The following HS6ST2 variants were observed in gnomAD, a reference collection of about 807,000 sequenced individuals.
The protein encoded by HS6ST2 is heparan sulfate 6-O-sulfotransferase 2.
In HS6ST2, 17 loss-of-function variants were observed where a neutral mutation model predicts 33.0. That is an observed-to-expected ratio of 0.52 (90% CI 0.35 to 0.77). The LOEUF (loss-of-function observed/expected upper bound fraction) is 0.77. Ranked by LOEUF, HS6ST2 falls within the 30% of genes least tolerant of loss-of-function variation. The pLI, the probability that HS6ST2 is intolerant of heterozygous loss-of-function variation, is 0.01. For missense variants in HS6ST2, 519 were observed against 551.7 expected, an observed-to-expected ratio of 0.94 and a Z score of 0.59; for synonymous variants, 248 against 237.1, an observed-to-expected ratio of 1.05 and a Z score of -0.42.
chrX:132,884,792 T>TG (rs1196821877), intron 2 of HS6ST2, among the ~76,000 whole-genome samples: 3 of 110,751 alleles, frequency 2.7e-5, no homozygotes, highest in African/African-American at 9.8e-5. Flanking sequence ...GAGGAGAAGA[T>TG]GAAATGACTG....
At chrX:132,770,900 AAAG>A (rs2064892101) in intron 2 of HS6ST2, among the ~76,000 whole-genome samples, 1 of 112,168 alleles carries the variant, frequency 8.9e-6, no homozygotes, top group Non-Finnish European at 1.9e-5. Context: ...AGCAGAATAA[AAAG>A]AAAATATCTT....
chrX:132,660,214 G>A (rs1287346796), intron 4 of HS6ST2, among the ~76,000 whole-genome samples: 1 of 111,725 alleles, frequency 9.0e-6, no homozygotes, highest in East Asian at 2.8e-4. Flanking sequence ...GCCTAGAGTA[G>A]CATCTTGTAC....
intron 4 of HS6ST2, among the ~76,000 whole-genome samples, chrX:132,636,896 T>TA (rs774780909): frequency 1.9e-4 from 21 of 111,951 alleles, no homozygotes; most frequent in African/African-American, 6.5e-4. Flanking sequence ...ACTTATACGT[T>TA]AACTCCCAAC....
chrX:132,959,395 G>A (rs1331363089), upstream of HS6ST2, among the ~76,000 whole-genome samples: 4 of 112,154 alleles, frequency 3.6e-5, no homozygotes, highest in Non-Finnish European at 7.5e-5. Context: ...CTGTACATCA[G>A]GACACTGGTG....
At chrX:132,945,413 T>C (rs966642845) in intron 2 of HS6ST2, among the ~76,000 whole-genome samples, 2 of 111,868 alleles carry the variant, frequency 1.8e-5, no homozygotes, top group Non-Finnish European at 3.8e-5. Flanking sequence ...GCTGGGACTG[T>C]AAACTGGTTC....
rs142124811 is a variant in HS6ST2 at position 132,793,955 on chromosome X, C to T, written c.948-85461G>A. Among the ~76,000 whole-genome samples, 32 of 112,699 alleles carry T rather than the reference C, an allele frequency of 2.8e-4. No individual in the cohort carries two copies. The East Asian group carries it at 6.7e-3, about 24-fold the overall frequency. ...CTAGTAAAATAGATATTCCGTGCCA[C>T]GTTTCACCACTCTGCCATTTGTAAA... On this transcript the variant is annotated intron_variant, in intron 2 of 4. Coordinates refer to ENST00000370833, the MANE Select transcript of HS6ST2 (RefSeq NM_001394073.1).
intron 2 of HS6ST2, among the ~76,000 whole-genome samples, chrX:132,943,054 C>T (rs1162013868): frequency 5.4e-5 from 6 of 111,944 alleles, no homozygotes; most frequent in Non-Finnish European, 9.4e-5. Context: ...TTTGAAATAA[C>T]TTCGGCATCT....
At chrX:132,658,848 T>C (rs1412463928) in intron 4 of HS6ST2, among the ~76,000 whole-genome samples, 1 of 112,087 alleles carries the variant, frequency 8.9e-6, no homozygotes, top group Non-Finnish European at 1.9e-5. Flanking sequence ...CTGAATTCAC[T>C]ATGAGCTTTG....
chrX:132,723,930 A>T, intron 2 of HS6ST2, among the ~76,000 whole-genome samples: 1 of 111,195 alleles, frequency 9.0e-6, no homozygotes, highest in East Asian at 2.8e-4. Context: ...AGGTCAGGAG[A>T]TTGAGACCAT....
In HS6ST2 at chrX:132,920,381, T is replaced by C. The variant is rs754758064; in HGVS notation, c.947+36427A>G. On this transcript the variant is annotated intron_variant, in intron 2 of 4. Coordinates refer to ENST00000370833, the MANE Select transcript of HS6ST2 (RefSeq NM_001394073.1). ...AGTATCATCGATGCTTACACCTCCG[T>C]GAGAATGTGCACACAGTAACCATCT... Among the ~76,000 whole-genome samples, 4 of 110,635 alleles carry C rather than the reference T, an allele frequency of 3.6e-5. No homozygotes were observed. In the South Asian group the frequency reaches 1.5e-3, roughly 43 times the overall value.
intron 2 of HS6ST2, among the ~76,000 whole-genome samples, chrX:132,787,878 G>A (rs948532273): frequency 2.1e-4 from 23 of 107,567 alleles, no homozygotes; most frequent in Non-Finnish European, 3.3e-4. Flanking sequence ...GTGACAGAGC[G>A]AGACTCCATC....
At chrX:132,670,569 T>G (rs971076329) in intron 3 of HS6ST2, among the ~76,000 whole-genome samples, 7 of 111,605 alleles carry the variant, frequency 6.3e-5, no homozygotes, top group Non-Finnish European at 1.1e-4. Flanking sequence ...GGAGGCCAAG[T>G]CAGGCGGATC....
At chrX:132,877,790 G>A (rs1435877493) in intron 2 of HS6ST2, among the ~76,000 whole-genome samples, 1 of 110,690 alleles carries the variant, frequency 9.0e-6, no homozygotes, top group African/African-American at 3.3e-5. Context: ...GCTACACCTT[G>A]ACAAGCAGGG....
intron 2 of HS6ST2, among the ~76,000 whole-genome samples, chrX:132,710,853 T>C: frequency 9.0e-6 from 1 of 111,552 alleles, no homozygotes; most frequent in South Asian, 3.8e-4. Context: ...AGTTTCATAA[T>C]ACTGTAGTCC....
At chrX:132,812,949 A>G (rs1308941486) in intron 2 of HS6ST2, among the ~76,000 whole-genome samples, 1 of 109,701 alleles carries the variant, frequency 9.1e-6, no homozygotes, top group Non-Finnish European at 1.9e-5. Flanking sequence ...CTCTTTCTTC[A>G]CTGACTCACT....
intron 2 of HS6ST2, among the ~76,000 whole-genome samples, chrX:132,828,741 C>T (rs1014706326): frequency 5.5e-5 from 5 of 90,631 alleles, no homozygotes; most frequent in Non-Finnish European, 1.1e-4. Flanking sequence ...CACACACATA[C>T]ACACACAAAC....
intron 2 of HS6ST2, among the ~76,000 whole-genome samples, chrX:132,841,980 G>C (rs1180026365): frequency 8.9e-6 from 1 of 111,922 alleles, no homozygotes. Context: ...AAGACGTTGG[G>C]TTAAGGAGGA....
At chrX:132,944,524 A>G (rs1417688995) in intron 2 of HS6ST2, among the ~76,000 whole-genome samples, 1 of 111,947 alleles carries the variant, frequency 8.9e-6, no homozygotes, top group Non-Finnish European at 1.9e-5. Context: ...ATATGGAACC[A>G]AAAAAGAGCT....
At chrX:132,636,207 G>A (rs2063550263) in intron 4 of HS6ST2, among the ~76,000 whole-genome samples, 1 of 111,909 alleles carries the variant, frequency 8.9e-6, no homozygotes, top group African/African-American at 3.2e-5. Flanking sequence ...ATTTCTGCAG[G>A]AGAAGCAGCA....
Sources: allele counts gnomAD v4.1 joint callset (sites outside exome capture counted in the v4.1 genomes callset), GRCh38; gene constraint gnomAD v4.1.1; transcripts MANE v1.5; gene names NCBI Gene and HGNC (gene_info 2026-07-23, HGNC 2026-07-21).